EML6: variants seen among roughly 807,000 people sequenced by gnomAD.
The protein encoded by EML6 is EMAP like 6, also known as echinoderm microtubule-associated protein-like 6.
A neutral mutation model predicts 240.1 loss-of-function variants in EML6; 154 were observed. The ratio of observed to expected loss-of-function variants is 0.64; its 90% CI spans 0.56 to 0.73. The LOEUF is 0.73. Among genes scored for constraint, EML6 ranks in the 30% least tolerant of loss-of-function variants. The probability of loss-of-function intolerance (pLI) is 0.00; values close to 1 mark genes in which losing one functional copy is unlikely to be tolerated. For synonymous variants in EML6, 1,148 were observed against 899.0 expected (o/e 1.28, Z -4.95); for missense variants, 2,964 against 2,474.6 (o/e 1.20, Z -4.20).
intron 26 of EML6, among the ~76,000 whole-genome samples, chr2:54,918,229 C>T (rs1674034393): frequency 6.6e-6 from 1 of 152,142 alleles, no homozygotes; most frequent in Non-Finnish European, 1.5e-5. Flanking sequence ...TCATGTCATC[C>T]TCTGCTTTCA....
intron 2 of EML6, among the ~76,000 whole-genome samples, chr2:54,811,926 C>T (rs1287984298): frequency 6.6e-6 from 1 of 152,166 alleles, no homozygotes; most frequent in African/African-American, 2.4e-5. Flanking sequence ...TCTATATGGG[C>T]TATCTTTTTG....
intron 7 of EML6, among the ~76,000 whole-genome samples, chr2:54,830,788 C>A (rs1245313707): frequency 2.0e-5 from 3 of 152,228 alleles, no homozygotes; most frequent in African/African-American, 7.2e-5. Context: ...TGGATGCCAG[C>A]TGCTTTATGT....
chr2:54,805,888 C>G (rs1670445517), intron 2 of EML6, among the ~76,000 whole-genome samples: 1 of 152,090 alleles, frequency 6.6e-6, no homozygotes, highest in African/African-American at 2.4e-5. Flanking sequence ...TGTTCCAGCA[C>G]TGTCTGTTGA....
intron 35 of EML6, among the ~76,000 whole-genome samples, chr2:54,961,602 G>C (rs1401951032): frequency 1.3e-5 from 2 of 152,078 alleles, no homozygotes; most frequent in African/African-American, 4.8e-5. Context: ...GCAGAGGCTG[G>C]GTGATGGAGG....
chr2:54,918,760 C>G (rs1432741248), intron 26 of EML6, among the ~76,000 whole-genome samples: 2 of 152,318 alleles, frequency 1.3e-5, no homozygotes, highest in East Asian at 3.9e-4. Flanking sequence ...TCATTAAATT[C>G]TTGGCAAATG....
At chr2:54,751,289 G>A (rs140375353) in intron 2 of EML6, among the ~76,000 whole-genome samples, 1 of 152,306 alleles carries the variant, frequency 6.6e-6, no homozygotes, top group East Asian at 1.9e-4. Context: ...CACTTCCTTA[G>A]TGTAGTTCCT....
intron 28 of EML6, among the ~76,000 whole-genome samples, chr2:54,934,554 T>C (rs990628228): frequency 1.3e-5 from 2 of 151,802 alleles, no homozygotes; most frequent in South Asian, 4.2e-4. Context: ...ATATATATAT[T>C]TATATTTATA....
chr2:54,806,794 A>T (rs1670518526), intron 2 of EML6, among the ~76,000 whole-genome samples: 2 of 152,050 alleles, frequency 1.3e-5, no homozygotes, highest in Non-Finnish European at 2.9e-5. Context: ...CATAGTACCT[A>T]CTTTCTTTGA....
chr2:54,795,254 A>G (rs1282967150), intron 2 of EML6, among the ~76,000 whole-genome samples: 2 of 152,198 alleles, frequency 1.3e-5, no homozygotes, highest in African/African-American at 4.8e-5. Context: ...GAATCATGGC[A>G]GAAGGTAAAG....
chr2:54,843,571 G>C (rs188882064), intron 7 of EML6, among the ~76,000 whole-genome samples: 1 of 152,058 alleles, frequency 6.6e-6, no homozygotes, highest in African/African-American at 2.4e-5. Context: ...TGGGCTGGGC[G>C]TGGTGGCTCA....
intron 10 of EML6, among the ~76,000 whole-genome samples, chr2:54,851,848 T>G (rs1057131161): frequency 1.3e-5 from 2 of 152,222 alleles, no homozygotes; most frequent in Non-Finnish European, 2.9e-5. Context: ...TGAATGAAAA[T>G]GAACTGGAGG....
chr2:54,890,403 G>A (rs536517911), intron 17 of EML6, among the ~76,000 whole-genome samples: 12 of 152,256 alleles, frequency 7.9e-5, no homozygotes, highest in African/African-American at 2.9e-4. Context: ...CTCTCATGCT[G>A]TGAGATGCCA....
intron 5 of EML6, among the ~76,000 whole-genome samples, chr2:54,827,251 C>G (rs1558583743): frequency 6.6e-6 from 1 of 152,174 alleles, no homozygotes; most frequent in Non-Finnish European, 1.5e-5. Flanking sequence ...CTAAGCAAAA[C>G]ATGATTTGTC....
chr2:54,908,793 A>T (rs2104271675), intron 24 of EML6, among the ~76,000 whole-genome samples: 1 of 152,294 alleles, frequency 6.6e-6, no homozygotes, highest in Non-Finnish European at 1.5e-5. Context: ...AGCCTCTCAG[A>T]TTCCAGTTTA....
At chr2:54,792,991 G>A (rs1177370273) in intron 2 of EML6, among the ~76,000 whole-genome samples, 1 of 152,180 alleles carries the variant, frequency 6.6e-6, no homozygotes, top group Non-Finnish European at 1.5e-5. Context: ...CTTTAGGCTT[G>A]GTGGAGTGGC....
intron 14 of EML6, chr2:54,867,886 A>C (rs985597956): frequency 6.6e-6 from 1 of 152,154 alleles, no homozygotes; most frequent in Non-Finnish European, 1.5e-5. Context: ...TTTATGCTTG[A>C]GAGTCCTTTG....
At position 54,903,139 on chromosome 2, in the gene EML6, G is replaced by C. The variant is rs1328063822; in HGVS notation, c.3220G>C (p.Asp1074His). 13 of 1,551,778 alleles carry C rather than the reference G, an allele frequency of 8.4e-6. No individual in the cohort carries two copies. The highest frequency in any genetic ancestry group is 2.7e-5 in the African/African-American group (2 of 73,056). The change falls in exon 23 of 42, where the codon GAC (aspartate) becomes CAC (histidine). Residue 1074 changes from aspartate (D) to histidine (H), a missense_variant. Physicochemically the swap from Asp to His is moderately conservative, Grantham distance 81. Transcript: ENST00000356458. ...GGTGGTAAATGCTGACACTGTTGAA[G>C]ACATGGTCTCTTTCCATCACAGAAA... ...FLVVNADTVEDMVSFHHRKEM... is the reference protein window; with the variant it reads ...FLVVNADTVEHMVSFHHRKEM...
chr2:54,743,877 T>G (rs1247559807), intron 2 of EML6, among the ~76,000 whole-genome samples: 2 of 152,168 alleles, frequency 1.3e-5, no homozygotes, highest in African/African-American at 4.8e-5. Context: ...CCAAATCATC[T>G]TGCACATATC....
intron 4 of EML6, among the ~76,000 whole-genome samples, chr2:54,818,706 C>T (rs539554215): frequency 1.4e-4 from 21 of 152,146 alleles, no homozygotes; most frequent in East Asian, 3.9e-4. Flanking sequence ...GCTGTGCTAC[C>T]GCTTGCCAGT....
Sources: allele counts gnomAD v4.1 joint callset (sites outside exome capture counted in the v4.1 genomes callset), GRCh38; gene constraint gnomAD v4.1.1; transcripts MANE v1.5; gene names NCBI Gene and HGNC (gene_info 2026-07-23, HGNC 2026-07-21).